Variants in ANXA6 observed in about 807,000 individuals in gnomAD.
ANXA6 encodes annexin A6.
In ANXA6, 71 loss-of-function variants were observed where a neutral mutation model predicts 95.4. That is an observed-to-expected ratio of 0.74 (90% CI 0.61 to 0.91). The LOEUF is 0.91. ANXA6 is among the 40% of genes least tolerant of loss of function. ANXA6 has a pLI of 0.00. For missense variants in ANXA6, 830 were observed against 876.4 expected (o/e 0.95, Z 0.67); for synonymous variants, 289 against 315.9 (o/e 0.91, Z 0.90).
chr5:151,131,576 G>A (rs1765513986), intron 10 of ANXA6, among the ~76,000 whole-genome samples: 1 of 152,162 alleles, frequency 6.6e-6, no homozygotes, highest in Non-Finnish European at 1.5e-5. Context: ...GAATTGAGCT[G>A]GGGTGGGGGT....
intron 20 of ANXA6, among the ~76,000 whole-genome samples, chr5:151,115,849 TGTGG>T (rs1764984474): frequency 6.6e-6 from 1 of 152,236 alleles, no homozygotes; most frequent in Non-Finnish European, 1.5e-5. Context: ...AGCTATTTGA[TGTGG>T]AAGCTGCAGG....
Position 151,156,144 on chromosome 5 carries a change from A to G in ANXA6, c.-26+1536T>C, listed in dbSNP as rs145078771. 4.7e-3 allele frequency among the ~76,000 whole-genome samples: 718 copies of G among 152,332 alleles called. 3 individuals carry two copies. The highest frequency in any genetic ancestry group is 0.015 in the African/African-American group (633 of 41,582). ...CAAAGGGTAGATAAGGCAAAGAAAG[A>G]TGGATGAGTGATTGTCACAGCTGCA... is the stretch of plus-strand genomic sequence containing the variant. On this transcript the variant is annotated intron_variant, in intron 1 of 25. Transcript: ENST00000354546.
rs144111412 is a variant in ANXA6 at position 151,102,164 on chromosome 5, A to AG, written c.1963-658dup. On this transcript the variant is annotated intron_variant, in intron 25 of 25. Coordinates refer to ENST00000354546, the MANE Select transcript of ANXA6 (RefSeq NM_001155.5). ...TGGTATGGTATGGATCTCCCTTCTG[A>AG]GGGACTCCTATCATTGTTATGAGAC... is the stretch of plus-strand genomic sequence containing the variant. Among the ~76,000 whole-genome samples the AG allele has an allele frequency of 5.5e-3, 833 of 152,230 alleles. 4 individuals carry two copies. Among genetic ancestry groups the AG allele is most frequent in the Non-Finnish European group, 0.01 (683 of 68,006 alleles).
intron 7 of ANXA6, 76 bp from the exon 8 acceptor site, chr5:151,134,559 A>G: frequency 1.3e-6 from 2 of 1,519,344 alleles, no homozygotes; most frequent in Non-Finnish European, 1.8e-6. Context: ...AGTGGTGGAG[A>G]CAGGGAAAGC....
Position 151,101,435 on chromosome 5 carries a change from C to A in ANXA6, c.*13G>T. On this transcript the variant is annotated 3_prime_UTR_variant, in exon 26 of 26. Transcript: ENST00000354546. ...ACCATTTCTTGGCAGAAGTGCCCGC[C>A]AAAGCTGTGGCCCTAGTCCTCACCA... is the stretch of plus-strand genomic sequence containing the variant. 6.4e-7 allele frequency: 1 copy of A among 1,554,898 alleles called. No homozygotes were observed. The highest frequency in any genetic ancestry group is 1.2e-5 in the South Asian group (1 of 84,218).
intron 1 of ANXA6, among the ~76,000 whole-genome samples, chr5:151,148,143 G>A (rs143074103): frequency 8.6e-4 from 130 of 151,676 alleles, no homozygotes; most frequent in African/African-American, 3.0e-3. Flanking sequence ...GGAAAGGGAC[G>A]CGGATCCCCA....
chr5:151,108,579 G>A, intron 22 of ANXA6, 29 bp from the exon 23 acceptor site: 1 of 1,603,668 alleles, frequency 6.2e-7, no homozygotes. Context: ...CCAGAGGTGG[G>A]GGTGAGCTTC....
At chr5:151,118,645 G>C (rs371899778) in intron 18 of ANXA6, among the ~76,000 whole-genome samples, 1 of 152,154 alleles carries the variant, frequency 6.6e-6, no homozygotes, top group Non-Finnish European at 1.5e-5. Flanking sequence ...TGTTAGCCAA[G>C]TTGGTCTTGA....
intron 8 of ANXA6, 92 bp downstream of exon 8, chr5:151,134,335 G>T (rs1036439798): frequency 4.0e-6 from 5 of 1,238,368 alleles, no homozygotes; most frequent in South Asian, 2.4e-5. Context: ...TGATGCAAAT[G>T]ACTTCACCTC....
At chr5:151,114,613 TAAAAAAAAAAAAAAAAAA>T (rs61407672) in intron 20 of ANXA6, among the ~76,000 whole-genome samples, 1 of 70,298 alleles carries the variant, frequency 1.4e-5, no homozygotes. Flanking sequence ...GACTCCGTCT[TAAAAAAAAAAAAAAAAAA>T]AAAAAAAAAA....
intron 4 of ANXA6, 193 bp from the exon 5 acceptor site, chr5:151,138,984 T>C: frequency 1.6e-6 from 1 of 606,924 alleles, no homozygotes; most frequent in Non-Finnish European, 2.9e-6. Flanking sequence ...TCTTACTCCA[T>C]GTCATGCTGC....
At chr5:151,117,230 C>T in intron 19 of ANXA6, 50 bp from the exon 20 acceptor site, 1 of 1,534,808 alleles carries the variant, frequency 6.5e-7, no homozygotes, top group South Asian at 1.2e-5. Context: ...CGACCCATCT[C>T]CATCTCTGTA....
Position 151,122,917 on chromosome 5 carries a change from C to T in ANXA6, c.1233G>A (p.Arg411=), listed in dbSNP as rs778800580. ...AGAGAGCCCAGGAGGAGGTCCTTAC[C>T]CGGCCAAAGTGAGACTTGAAGGTCT... ...IRQTFKSHFG[R]DLMTDLKSEI... The change falls in exon 16 of 26, where the codon CGG becomes CGA. Residue 411 remains arginine, a splice_region_variant and synonymous_variant. Coordinates refer to ENST00000354546, the MANE Select transcript of ANXA6 (RefSeq NM_001155.5). 5 of 1,613,832 alleles carry T rather than the reference C, an allele frequency of 3.1e-6. No homozygotes were observed. Among genetic ancestry groups the T allele is most frequent in the Non-Finnish European group, 4.2e-6 (5 of 1,179,814 alleles).
intron 11 of ANXA6, 105 bp from the exon 12 acceptor site, chr5:151,129,634 T>G: frequency 7.4e-7 from 1 of 1,355,978 alleles, no homozygotes; most frequent in Non-Finnish European, 1.0e-6. Flanking sequence ...AAAGTTAAAA[T>G]TTAGAGCAAA....
intron 20 of ANXA6, among the ~76,000 whole-genome samples, chr5:151,116,855 A>G (rs1030652767): frequency 1.3e-5 from 2 of 151,956 alleles, no homozygotes; most frequent in African/African-American, 4.8e-5. Context: ...CTGGACCTCC[A>G]TTTTCCCACT....
chr5:151,101,824 C>T (rs1188083094), intron 25 of ANXA6, among the ~76,000 whole-genome samples: 1 of 152,190 alleles, frequency 6.6e-6, no homozygotes, highest in Non-Finnish European at 1.5e-5. Flanking sequence ...CTGTCACTCC[C>T]CTGTCCAACA....
chr5:151,106,014 T>A (rs2113892490), intron 23 of ANXA6, among the ~76,000 whole-genome samples: 1 of 152,348 alleles, frequency 6.6e-6, no homozygotes, highest in Non-Finnish European at 1.5e-5. Context: ...TGCAGCCTAA[T>A]GCTTGAGAGT....
At chr5:151,124,147 G>T in intron 15 of ANXA6, 139 bp downstream of exon 15, 1 of 730,892 alleles carries the variant, frequency 1.4e-6, no homozygotes. Flanking sequence ...GAGCTAGGAG[G>T]GTGGAAACTT....
At chr5:151,128,297 G>GGAGGTGAAGGTTCTGCACAGCCTGAAA in intron 12 of ANXA6, 58 bp from the exon 13 acceptor site, 1 of 1,451,796 alleles carries the variant, frequency 6.9e-7, no homozygotes, top group Non-Finnish European at 9.5e-7. Context: ...TCTCAGACAA[G>GGAGGTGAAGGTTCTGCACAGCCTGAAA]GAGGTGAAGG....
Sources: gnomAD v4.1 joint callset for allele counts (sites outside exome capture counted in the v4.1 genomes callset) on GRCh38, gnomAD v4.1.1 for gene constraint, MANE v1.5 for transcripts, NCBI Gene and HGNC (gene_info 2026-07-23, HGNC 2026-07-21) for gene names.